The following SIL1 variants were observed in gnomAD, a reference collection of about 807,000 sequenced individuals.
SIL1 encodes the protein SIL1 nucleotide exchange factor, also known as nucleotide exchange factor SIL1.
SIL1 carries 40 observed loss-of-function variants against 49.1 expected under a neutral mutation model. That is an observed-to-expected ratio of 0.81 (90% CI 0.63 to 1.06). The LOEUF (loss-of-function observed/expected upper bound fraction) is 1.06, where lower values mean the gene tolerates loss of function less well. Ranked by LOEUF, SIL1 falls within the 50% of genes least tolerant of loss-of-function variation. The pLI is 0.00. For missense variants in SIL1, 500 were observed against 572.6 expected, an observed-to-expected ratio of 0.87 and a Z score of 1.29; for synonymous variants, 253 against 250.8, an observed-to-expected ratio of 1.01 and a Z score of -0.08.
chr5:139,001,082 G>T (rs774350499), intron 7 of SIL1, among the ~76,000 whole-genome samples: 3 of 141,884 alleles, frequency 2.1e-5, no homozygotes, highest in South Asian at 2.2e-4. Flanking sequence ...CTGTGTGTGT[G>T]GGGGGGGAAA....
intron 6 of SIL1, chr5:139,021,740 C>A (rs1226824331): frequency 4.4e-6 from 1 of 225,814 alleles, no homozygotes; most frequent in Non-Finnish European, 8.8e-6. Context: ...AAGCTAGGGA[C>A]TATAAAAGGA....
chr5:139,195,488 C>T (rs942300019), intron 1 of SIL1, among the ~76,000 whole-genome samples: 4 of 151,726 alleles, frequency 2.6e-5, no homozygotes, highest in Non-Finnish European at 5.9e-5. Flanking sequence ...CCCAGGTTCA[C>T]GCCATTCTCC....
chr5:139,120,968 G>A (rs1717235433), intron 3 of SIL1, 67 bp downstream of exon 3: 1 of 1,598,690 alleles, frequency 6.3e-7, no homozygotes, highest in African/African-American at 1.3e-5. Context: ...GCAGCCCTCT[G>A]GGGACAAAGG....
At chr5:139,014,689 C>T (rs553477870) in intron 7 of SIL1, among the ~76,000 whole-genome samples, 1 of 152,216 alleles carries the variant, frequency 6.6e-6, no homozygotes, top group Non-Finnish European at 1.5e-5. Flanking sequence ...TCATTATTTG[C>T]CATTTGAAAA....
At chr5:139,069,364 A>G (rs1293299703) in intron 3 of SIL1, among the ~76,000 whole-genome samples, 1 of 152,162 alleles carries the variant, frequency 6.6e-6, no homozygotes, top group African/African-American at 2.4e-5. Flanking sequence ...AAATAATCAC[A>G]ACAGAAAATG....
chr5:139,016,356 G>A (rs187491212), intron 7 of SIL1, among the ~76,000 whole-genome samples: 11 of 152,312 alleles, frequency 7.2e-5, no homozygotes, highest in Non-Finnish European at 7.4e-5. Context: ...TTTGAGGTGC[G>A]ATGAGACAGT....
chr5:139,157,564 T>C (rs906597808), intron 1 of SIL1, among the ~76,000 whole-genome samples: 2 of 152,232 alleles, frequency 1.3e-5, no homozygotes, highest in Non-Finnish European at 2.9e-5. Context: ...AGCAAGCTAA[T>C]AAACACATTG....
intron 1 of SIL1, among the ~76,000 whole-genome samples, chr5:139,190,013 A>C (rs111887997): frequency 5.9e-5 from 9 of 152,328 alleles, no homozygotes; most frequent in South Asian, 2.1e-4. Flanking sequence ...TGAATTCTTA[A>C]GATAGCTATA....
chr5:138,974,083 G>A (rs1224639466), intron 7 of SIL1, among the ~76,000 whole-genome samples: 1 of 152,062 alleles, frequency 6.6e-6, no homozygotes, highest in Non-Finnish European at 1.5e-5. Context: ...GCAAACAGAA[G>A]AGAACAGGGG....
rs1460505382 is a variant in SIL1 at position 139,170,934 on chromosome 5, C to T, written c.-11+27335G>A. ...AGCCCCTCTGCCCAGCCAGCCGCCCCGTCCGGGAGGGAGGTGGGGGGGTCA... is the reference window on the plus strand; with the variant it reads ...AGCCCCTCTGCCCAGCCAGCCGCCCTGTCCGGGAGGGAGGTGGGGGGGTCA... On this transcript the variant is annotated intron_variant, in intron 1 of 9. Transcript: ENST00000394817. 9.8e-4 allele frequency among the ~76,000 whole-genome samples: 146 copies of T among 149,066 alleles called. 3 individuals are homozygous for T. The highest frequency in any genetic ancestry group is 3.3e-3 in the African/African-American group (134 of 40,564).
At chr5:139,014,853 C>T (rs544669970) in intron 7 of SIL1, among the ~76,000 whole-genome samples, 15 of 152,288 alleles carry the variant, frequency 9.8e-5, no homozygotes, top group Non-Finnish European at 1.9e-4. Flanking sequence ...CTACTAGAGA[C>T]AAGAGGTCAG....
At chr5:138,981,259 T>C (rs911311612) in intron 7 of SIL1, among the ~76,000 whole-genome samples, 1 of 150,308 alleles carries the variant, frequency 6.7e-6, no homozygotes, top group Non-Finnish European at 1.5e-5. Context: ...CTGTCTCCAG[T>C]AAGAAGGAGA....
At chr5:139,085,823 C>T (rs1201913091) in intron 3 of SIL1, among the ~76,000 whole-genome samples, 1 of 151,970 alleles carries the variant, frequency 6.6e-6, no homozygotes, top group East Asian at 1.9e-4. Flanking sequence ...AATGAGGGCT[C>T]GAGCCAGAAA....
chr5:138,998,313 G>A (rs1476544387), intron 7 of SIL1, among the ~76,000 whole-genome samples: 8 of 152,042 alleles, frequency 5.3e-5, no homozygotes, highest in East Asian at 1.9e-4. Context: ...GACCACAGGC[G>A]CGCACCACCA....
At chr5:139,144,333 C>G (rs1751150935) in intron 1 of SIL1, among the ~76,000 whole-genome samples, 1 of 151,610 alleles carries the variant, frequency 6.6e-6, no homozygotes, top group Non-Finnish European at 1.5e-5. Flanking sequence ...CTTAAAAAAA[C>G]AAAAACAAAA....
At chr5:139,191,843 G>A (rs776539433) in intron 1 of SIL1, among the ~76,000 whole-genome samples, 11 of 151,960 alleles carry the variant, frequency 7.2e-5, no homozygotes, top group African/African-American at 1.7e-4. Context: ...TTGGAAGGCC[G>A]AGGCCGGCAG....
Position 138,951,241 on chromosome 5 carries a change from A to C in SIL1, c.959T>G (p.Val320Gly). Residue 320 changes from valine to glycine, a missense_variant, in exon 9 of 10, where the codon GTG becomes GGG. Transcript: ENST00000394817. ...GAGCACCTCCGTGCCCTTCTCCTGC[A>C]CCAGGGTCCTCAGGACCTGCAGCCC... ...LGGLQVLRTL[V>G]QEKGTEVLAV... The C allele has an allele frequency of 6.2e-7, 1 of 1,602,884 alleles. No individual in the cohort carries two copies. Among genetic ancestry groups the C allele is most frequent in the Non-Finnish European group, 8.5e-7 (1 of 1,174,544 alleles).
At chr5:139,109,103 C>T (rs1300530053) in intron 3 of SIL1, among the ~76,000 whole-genome samples, 1 of 152,204 alleles carries the variant, frequency 6.6e-6, no homozygotes, top group African/African-American at 2.4e-5. Flanking sequence ...AAATGAAACA[C>T]TTTATCTGGG....
intron 1 of SIL1, among the ~76,000 whole-genome samples, chr5:139,145,567 A>G (rs1037487132): frequency 6.6e-6 from 1 of 151,926 alleles, no homozygotes; most frequent in African/African-American, 2.4e-5. Flanking sequence ...AAAGATGAAA[A>G]TGACTCAAAC....
Sources: allele counts gnomAD v4.1 joint callset (sites outside exome capture counted in the v4.1 genomes callset), GRCh38; gene constraint gnomAD v4.1.1; transcripts MANE v1.5; gene names NCBI Gene and HGNC (gene_info 2026-07-23, HGNC 2026-07-21).